RBFOX3: variants seen among roughly 807,000 people sequenced by gnomAD.
The protein encoded by RBFOX3 is RNA binding protein fox-1 homolog 3.
A neutral mutation model predicts 48.7 loss-of-function variants in RBFOX3; 17 were observed. That is an observed-to-expected ratio of 0.35 (90% confidence interval 0.24 to 0.52). The LOEUF is 0.52. Ranked by LOEUF, RBFOX3 falls within the 20% of genes least tolerant of loss-of-function variation. RBFOX3 has a pLI of 0.94. For missense variants in RBFOX3, 382 were observed against 497.5 expected (o/e 0.77, Z 2.21); for synonymous variants, 212 against 209.5 (o/e 1.01, Z -0.10).
At chr17:79,648,002 G>T in the RBFOX3 span, among the ~76,000 whole-genome samples, 2 of 151,938 alleles carry the variant, frequency 1.3e-5, no homozygotes, top group Non-Finnish European at 2.9e-5. Context: ...GAGCCCACCT[G>T]GGGGTGCAGT....
intron 2 of RBFOX3, among the ~76,000 whole-genome samples, chr17:79,327,476 C>T (rs1222395422): frequency 2.0e-5 from 3 of 152,212 alleles, no homozygotes; most frequent in Non-Finnish European, 4.4e-5. Context: ...TCAGCAGCAG[C>T]GACCACGGAT....
intron 1 of RBFOX3, chr17:79,598,290 GCACATGCACACATGCA>G (rs1296387519): frequency 2.0e-5 from 3 of 152,600 alleles, no homozygotes; most frequent in African/African-American, 7.2e-5. Context: ...AGATGACCGT[GCACATGCACACATGCA>G]CACGTGCACA....
At chr17:79,595,517 C>G (rs975220422) in intron 1 of RBFOX3, among the ~76,000 whole-genome samples, 13 of 152,230 alleles carry the variant, frequency 8.5e-5, no homozygotes, top group Non-Finnish European at 1.6e-4. Flanking sequence ...TTTCCACATC[C>G]ATGGAAAGCA....
At chr17:79,609,997 C>T (rs2093934326) in intron 1 of RBFOX3, among the ~76,000 whole-genome samples, 1 of 151,964 alleles carries the variant, frequency 6.6e-6, no homozygotes, top group Admixed American at 6.5e-5. Flanking sequence ...TGCTCGAGGC[C>T]CTGGGGGTGG....
intron 4 of RBFOX3, among the ~76,000 whole-genome samples, chr17:79,139,483 C>T (rs544862242): frequency 1.3e-5 from 2 of 152,230 alleles, no homozygotes; most frequent in African/African-American, 2.4e-5. Flanking sequence ...CTCATTGGCT[C>T]GTGAAGAGCT....
intron 7 of RBFOX3, 39 bp downstream of exon 7, chr17:79,104,034 A>G: frequency 5.2e-6 from 8 of 1,529,546 alleles, no homozygotes; most frequent in Non-Finnish European, 7.1e-6. Flanking sequence ...CGGGACCTAC[A>G]GCCGGCGCTG....
At chr17:79,239,829 CCA>C (rs1184976790) in intron 3 of RBFOX3, among the ~76,000 whole-genome samples, 2 of 152,236 alleles carry the variant, frequency 1.3e-5, no homozygotes, top group African/African-American at 4.8e-5. Context: ...GGGTTTGACT[CCA>C]GAGGTCAGAG....
At chr17:79,519,468 A>G (rs989382480) in intron 1 of RBFOX3, among the ~76,000 whole-genome samples, 4 of 152,208 alleles carry the variant, frequency 2.6e-5, no homozygotes, top group Non-Finnish European at 5.9e-5. Context: ...GAGCCCCTCA[A>G]GAGGGAGGAG....
At chr17:79,439,399 A>G (rs577609034) in intron 2 of RBFOX3, among the ~76,000 whole-genome samples, 1 of 152,338 alleles carries the variant, frequency 6.6e-6, no homozygotes, top group South Asian at 2.1e-4. Context: ...CTGTGATTTC[A>G]TCTCTCCTCG....
At chr17:79,514,356 C>T (rs1285117038) in intron 1 of RBFOX3, among the ~76,000 whole-genome samples, 2 of 152,236 alleles carry the variant, frequency 1.3e-5, no homozygotes, top group Admixed American at 1.3e-4. Context: ...ACATGCACTC[C>T]CTGGGCCCAG....
chr17:79,386,545 A>G (rs910806928), intron 2 of RBFOX3, among the ~76,000 whole-genome samples: 9 of 152,226 alleles, frequency 5.9e-5, no homozygotes, highest in African/African-American at 2.2e-4. Flanking sequence ...CCATGATGTC[A>G]GTGAGTGACA....
chr17:79,453,831 C>T (rs1555743114), intron 2 of RBFOX3, among the ~76,000 whole-genome samples: 1 of 152,098 alleles, frequency 6.6e-6, no homozygotes, highest in Non-Finnish European at 1.5e-5. Context: ...GCCTGACACG[C>T]AGGCATGAGG....
chr17:79,633,377 G>T, the RBFOX3 span, among the ~76,000 whole-genome samples: 1 of 152,254 alleles, frequency 6.6e-6, no homozygotes, highest in Non-Finnish European at 1.5e-5. Flanking sequence ...GTCATTCCGG[G>T]TGCACCCCCT....
intron 3 of RBFOX3, among the ~76,000 whole-genome samples, chr17:79,239,657 A>T (rs2062085873): frequency 6.6e-6 from 1 of 152,184 alleles, no homozygotes; most frequent in Admixed American, 6.5e-5. Flanking sequence ...CCCAATGTGG[A>T]GCCCCTGGTC....
rs1598390117 is a variant in RBFOX3, at chr17:79,362,320, G to T, written c.-174-54496C>A. Among the ~76,000 whole-genome samples the T allele has an allele frequency of 6.6e-6, 1 of 152,228 alleles. No homozygotes were observed. Among genetic ancestry groups the T allele is most frequent in the Non-Finnish European group, 1.5e-5 (1 of 68,050 alleles). ...GAAGCCAGAATCCCGGCCCTTCAGG[G>T]CTTGGCTGAGATCCCCGGCCAGCGT... On this transcript the variant is annotated intron_variant, in intron 2 of 14. Transcript: ENST00000693108. The surrounding 1 kb of genome is among the most constrained non-coding windows in gnomAD (Gnocchi z 4.2).
At chr17:79,287,197 T>C (rs2072133476) in intron 3 of RBFOX3, among the ~76,000 whole-genome samples, 1 of 152,194 alleles carries the variant, frequency 6.6e-6, no homozygotes, top group South Asian at 2.1e-4. Context: ...TGAGTGTGTT[T>C]GAGACCCTCT....
chr17:79,467,529 C>T (rs2076474218), intron 2 of RBFOX3, among the ~76,000 whole-genome samples: 1 of 152,192 alleles, frequency 6.6e-6, no homozygotes, highest in Admixed American at 6.5e-5. Context: ...AGCTGTGCAC[C>T]TGTGGCCAGC....
At position 79,154,108 on chromosome 17, in the gene RBFOX3, CCCCT is replaced by C. The variant is rs373723202; in HGVS notation, c.-33-38364_-33-38361del. Among the ~76,000 whole-genome samples, 38 of 146,798 alleles carry C rather than the reference CCCCT, an allele frequency of 2.6e-4. 1 individual carries two copies. In the South Asian group the frequency reaches 7.9e-3, roughly 31 times the overall value. Reference sequence around the variant, plus strand: ...CCCCGGCCCCCAAGGCTCTGCTGGTCCCCTCCCTCCCTCCCTCCCTGTCCAGTCC... The same window carrying C: ...CCCCGGCCCCCAAGGCTCTGCTGGTCCCCTCCCTCCCTCCCTGTCCAGTCC... On this transcript the variant is annotated intron_variant, in intron 4 of 14. Coordinates refer to ENST00000693108, the MANE Select transcript of RBFOX3 (RefSeq NM_001350451.2).
chr17:79,238,154 C>G (rs2061863331), intron 3 of RBFOX3, among the ~76,000 whole-genome samples: 1 of 152,230 alleles, frequency 6.6e-6, no homozygotes. Context: ...TCAGGCTGGT[C>G]TTGAACACCT....
Sources: allele counts gnomAD v4.1 joint callset (sites outside exome capture counted in the v4.1 genomes callset), GRCh38; gene constraint gnomAD v4.1.1; non-coding constraint Gnocchi (gnomAD v3.1); transcripts MANE v1.5; gene names NCBI Gene and HGNC (gene_info 2026-07-23, HGNC 2026-07-21).